The following FERMT1 variants were observed in gnomAD, a reference collection of about 807,000 sequenced individuals.
FERMT1 encodes the protein fermitin family homolog 1.
Under a neutral mutation model 85.3 loss-of-function variants are expected in FERMT1, and 60 were observed. The ratio of observed to expected loss-of-function variants is 0.70; its 90% CI spans 0.57 to 0.87. The LOEUF (loss-of-function observed/expected upper bound fraction) is 0.87, where lower values mean the gene tolerates loss of function less well. Ranked by LOEUF, FERMT1 falls within the 40% of genes least tolerant of loss-of-function variation. The pLI is 0.00. For missense variants in FERMT1, 701 were observed against 818.9 expected (o/e 0.86, Z 1.76); for synonymous variants, 275 against 301.1 (o/e 0.91, Z 0.90).
intron 9 of FERMT1, among the ~76,000 whole-genome samples, chr20:6,090,563 T>C (rs1164203266): frequency 3.3e-5 from 5 of 151,704 alleles, no homozygotes; most frequent in Admixed American, 3.3e-4. Flanking sequence ...AGGACCAGCC[T>C]GGGCAACACA....
At chr20:6,103,458 A>G (rs1982715486) in intron 6 of FERMT1, among the ~76,000 whole-genome samples, 1 of 152,188 alleles carries the variant, frequency 6.6e-6, no homozygotes, top group Non-Finnish European at 1.5e-5. Context: ...GCTGAATCAA[A>G]GCTATGTAGA....
At chr20:6,099,862 C>A (rs1035672539) in intron 6 of FERMT1, among the ~76,000 whole-genome samples, 4 of 148,282 alleles carry the variant, frequency 2.7e-5, no homozygotes, top group African/African-American at 1.0e-4. Flanking sequence ...ATTATCCAGG[C>A]ATGGTGGCAT....
chr20:6,079,696 C>G, intron 13 of FERMT1, 119 bp from the exon 14 acceptor site: 1 of 1,014,350 alleles, frequency 9.9e-7, no homozygotes, highest in Non-Finnish European at 1.5e-6. Context: ...GAGGAATGGA[C>G]AATGAAGAAT....
In FERMT1 at chr20:6,079,436, C is replaced by T. The variant is rs1486770342; in HGVS notation, c.1860G>A (p.Gln620=). 6.2e-7 allele frequency: 1 copy of T among 1,613,990 alleles called. No individual in the cohort carries two copies. The highest frequency in any genetic ancestry group is 1.3e-5 in the African/African-American group (1 of 74,886). ...KQWNVNWETR[Q]VVIEFDQNVF... The stretch of plus-strand genomic sequence containing the variant: ...TGAAGAGCAAAAACTTTCACTTTAC[C>T]TGCCGGGTTTCCCAGTTTACATTCC... The change falls in exon 14 of 15, where the codon CAG becomes CAA. Residue 620 remains glutamine, a splice_region_variant and synonymous_variant. Coordinates refer to ENST00000217289, the MANE Select transcript of FERMT1 (RefSeq NM_017671.5).
chr20:6,111,867 TC>T (rs1262377415), intron 4 of FERMT1, among the ~76,000 whole-genome samples: 1 of 133,274 alleles, frequency 7.5e-6, no homozygotes, highest in African/African-American at 2.9e-5. Context: ...TTTTTTCTTT[TC>T]TTTTTTTTTT....
intron 9 of FERMT1, among the ~76,000 whole-genome samples, chr20:6,092,509 C>T (rs1313064127): frequency 6.6e-6 from 1 of 151,982 alleles, no homozygotes; most frequent in Non-Finnish European, 1.5e-5. Context: ...CGTCACTGCA[C>T]TCCATCTTGG....
rs575221274 is a variant in FERMT1 at position 6,116,114 on chromosome 20, G to A, written c.152-70C>T. ...GCTTGGAGGGTCCTGGAGCTGCAGA[G>A]TCAATTTCATTGTGTGCGAAAATGG... On this transcript the variant is annotated intron_variant, in intron 2 of 14. Coordinates refer to ENST00000217289, the MANE Select transcript of FERMT1 (RefSeq NM_017671.5). The A allele has an allele frequency of 6.8e-5, 73 of 1,081,288 alleles. No individual in the cohort carries two copies. The African/African-American group carries it at 7.6e-4, about 11-fold the overall frequency. The allele number at this position is 1,081,288 out of a possible 1,614,324, so 67.0% of individuals were successfully genotyped here.
At chr20:6,090,131 G>A (rs540063440) in intron 9 of FERMT1, among the ~76,000 whole-genome samples, 1 of 152,162 alleles carries the variant, frequency 6.6e-6, no homozygotes, top group African/African-American at 2.4e-5. Context: ...CTAGAGTGCT[G>A]TGGCACGATC....
chr20:6,080,575 C>T (rs191717624), intron 13 of FERMT1, among the ~76,000 whole-genome samples: 8 of 152,244 alleles, frequency 5.3e-5, no homozygotes, highest in South Asian at 2.1e-4. Context: ...CACTCTGGAC[C>T]GGCTCTGTGA....
In FERMT1 at chr20:6,105,819, T is replaced by C. The variant is rs141586686; in HGVS notation, c.849+1713A>G. ...ACAACAGATGGGGCACAGATTTGAA[T>C]AGATAAGATGGGACCAAATTACTGA... On this transcript the variant is annotated intron_variant, in intron 6 of 14. Coordinates refer to ENST00000217289, the MANE Select transcript of FERMT1 (RefSeq NM_017671.5). Among the ~76,000 whole-genome samples, 450 of 152,312 alleles carry C rather than the reference T, an allele frequency of 3.0e-3. 2 individuals carry two copies. Among genetic ancestry groups the C allele is most frequent in the African/African-American group, 0.01 (427 of 41,578 alleles).
chr20:6,078,646 G>GT lies in FERMT1; in HGVS notation c.1860+789dup, dbSNP rs71867735. On this transcript the variant is annotated intron_variant, in intron 14 of 14. Coordinates refer to ENST00000217289, the MANE Select transcript of FERMT1 (RefSeq NM_017671.5). ...GGCTAGTTCAGCGTTTTTTTTTTTT[G>GT]TTTTTTTTTTTTTTAATTTTCTGTG... is the stretch of plus-strand genomic sequence containing the variant. Among the ~76,000 whole-genome samples the GT allele has an allele frequency of 4.1e-3, 485 of 117,352 alleles. 1 individual carries two copies. Among genetic ancestry groups the GT allele is most frequent in the African/African-American group, 8.3e-3 (286 of 34,566 alleles). The allele number at this position is 117,352 out of a possible 152,430, so 77.0% of individuals were successfully genotyped here.
chr20:6,086,396 C>T (rs1195919577), intron 11 of FERMT1, among the ~76,000 whole-genome samples: 1 of 152,134 alleles, frequency 6.6e-6, no homozygotes, highest in African/African-American at 2.4e-5. Context: ...TCAGTGGTGG[C>T]TTCTATTGCT....
intron 2 of FERMT1, among the ~76,000 whole-genome samples, chr20:6,117,522 C>T (rs1160315672): frequency 6.6e-6 from 1 of 151,964 alleles, no homozygotes; most frequent in Non-Finnish European, 1.5e-5. Context: ...CAACCTCTGC[C>T]TCCCGTGTTC....
At chr20:6,091,969 CT>C (rs1189558365) in intron 9 of FERMT1, among the ~76,000 whole-genome samples, 20 of 147,264 alleles carry the variant, frequency 1.4e-4, no homozygotes, top group African/African-American at 4.0e-4. Flanking sequence ...CAGGGTTTCA[CT>C]CTGTTGCCCA....
chr20:6,077,561 C>T (rs904458617), intron 14 of FERMT1, among the ~76,000 whole-genome samples: 7 of 152,088 alleles, frequency 4.6e-5, no homozygotes, highest in Non-Finnish European at 8.8e-5. Context: ...CTTTGCTGCA[C>T]GTCTGGTTAA....
Position 6,104,053 on chromosome 20 carries a change from T to C in FERMT1, c.849+3479A>G, listed in dbSNP as rs531159177. ...GCCTGGCTAATTTTTGTATTTTTAG[T>C]AGAGATGGGGTTTCACCATGTTGGC... On this transcript the variant is annotated intron_variant, in intron 6 of 14. Transcript: ENST00000217289. The surrounding 1 kb of genome is among the most constrained non-coding windows in gnomAD (Gnocchi z 4.2). 7.9e-5 allele frequency among the ~76,000 whole-genome samples: 12 copies of C among 152,156 alleles called. No individual in the cohort carries two copies. The highest frequency in any genetic ancestry group is 1.0e-4 in the Non-Finnish European group (7 of 67,996).
Position 6,084,241 on chromosome 20 carries a change from C to T in FERMT1, c.1594-77G>A, listed in dbSNP as rs1216080745. 24 of 1,509,062 alleles carry T rather than the reference C, an allele frequency of 1.6e-5. No homozygotes were observed. The Admixed American group carries it at 3.9e-4, about 24-fold the overall frequency. The allele number at this position is 1,509,062 out of a possible 1,614,324, so 93.5% of individuals were successfully genotyped here. On this transcript the variant is annotated intron_variant, in intron 12 of 14. Coordinates refer to ENST00000217289, the MANE Select transcript of FERMT1 (RefSeq NM_017671.5). ...ATCACCCTGTTAGCTCCAGATCCCC[C>T]ATAAGAACAATACACTCAAGGTCCG...
intron 9 of FERMT1, among the ~76,000 whole-genome samples, chr20:6,091,715 C>A (rs1164855099): frequency 1.3e-5 from 2 of 152,160 alleles, no homozygotes; most frequent in East Asian, 3.9e-4. Flanking sequence ...TCTACCTGGA[C>A]CTTAAGAGTA....
intron 12 of FERMT1, 61 bp downstream of exon 12, chr20:6,085,005 T>G: frequency 6.7e-7 from 1 of 1,499,338 alleles, no homozygotes; most frequent in African/African-American, 1.4e-5. Flanking sequence ...AAATCCTCCT[T>G]TTATTTCTGT....
Sources: gnomAD v4.1 joint callset for allele counts (sites outside exome capture counted in the v4.1 genomes callset) on GRCh38, gnomAD v4.1.1 for gene constraint, Gnocchi (gnomAD v3.1) non-coding constraint, MANE v1.5 for transcripts, NCBI Gene and HGNC (gene_info 2026-07-23, HGNC 2026-07-21) for gene names.